Variants in CHIC2 observed in about 807,000 individuals in gnomAD.
CHIC2 encodes the protein cysteine-rich hydrophobic domain-containing protein 2.
A neutral mutation model predicts 25.9 loss-of-function variants in CHIC2; 14 were observed. The ratio of observed to expected loss-of-function variants is 0.54; its 90% confidence interval spans 0.36 to 0.85. CHIC2 has a LOEUF of 0.85. CHIC2 is among the 40% of genes least tolerant of loss of function. The pLI, the probability that CHIC2 is intolerant of heterozygous loss-of-function variation, is 0.01. For synonymous variants in CHIC2, 70 were observed against 72.0 expected (o/e 0.97, Z 0.14); for missense variants, 146 against 202.0 (o/e 0.72, Z 1.68).
At chr4:54,057,250 T>C (rs1002729960) in intron 1 of CHIC2, among the ~76,000 whole-genome samples, 8 of 152,148 alleles carry the variant, frequency 5.3e-5, no homozygotes, top group Non-Finnish European at 8.8e-5. Context: ...CTGGGGCCAC[T>C]ATCATGTCTT....
chr4:54,049,312 TA>T lies in CHIC2; in HGVS notation c.120-8del, dbSNP rs1181354494. On this transcript the variant is annotated splice_polypyrimidine_tract_variant and splice_region_variant and intron_variant, in intron 1 of 5. Transcript: ENST00000263921. ...TTTGTTGCTCAGTCCAAATCTATTT[TA>T]AAAAATAAGAAGAATATGTTATTAC... The T allele has an allele frequency of 1.3e-6, 2 of 1,557,448 alleles. No individual in the cohort carries two copies. The highest frequency in any genetic ancestry group is 1.8e-6 in the Non-Finnish European group (2 of 1,140,412).
chr4:54,030,165 C>T (rs538260026), intron 3 of CHIC2, among the ~76,000 whole-genome samples: 1 of 152,124 alleles, frequency 6.6e-6, no homozygotes, highest in South Asian at 2.1e-4. Flanking sequence ...AACTAAATAG[C>T]AATTATCTTT....
chr4:54,013,157 T>C (rs963976366), intron 5 of CHIC2, among the ~76,000 whole-genome samples: 8 of 152,144 alleles, frequency 5.3e-5, no homozygotes, highest in Non-Finnish European at 2.9e-5. Flanking sequence ...AAATTCTTAA[T>C]TTTCTAGAGT....
upstream of CHIC2, among the ~76,000 whole-genome samples, chr4:54,065,074 A>G (rs999959580): frequency 6.6e-6 from 1 of 152,242 alleles, no homozygotes; most frequent in Non-Finnish European, 1.5e-5. Context: ...TTTTGAGTCT[A>G]TGATGAGAAC....
chr4:54,053,511 C>G (rs564371985), intron 1 of CHIC2, among the ~76,000 whole-genome samples: 1 of 143,942 alleles, frequency 6.9e-6, no homozygotes, highest in Non-Finnish European at 1.5e-5. Context: ...GCCAAGATTG[C>G]GTCACTGCAC....
chr4:54,013,699 G>A, intron 5 of CHIC2, 138 bp downstream of exon 5: 2 of 738,832 alleles, frequency 2.7e-6, no homozygotes, highest in South Asian at 3.7e-5. Context: ...ATGCATCTGT[G>A]AACCGTAGAA....
At chr4:54,083,706 T>C in the CHIC2 span, among the ~76,000 whole-genome samples, 1 of 152,228 alleles carries the variant, frequency 6.6e-6, no homozygotes, top group Non-Finnish European at 1.5e-5. Context: ...ACACTTATCA[T>C]TTCAAGTCTG....
chr4:54,016,685 C>T (rs1053748811), intron 3 of CHIC2, among the ~76,000 whole-genome samples: 1 of 152,006 alleles, frequency 6.6e-6, no homozygotes, highest in African/African-American at 2.4e-5. Flanking sequence ...AAAAAAAGCA[C>T]TTGCACGTGC....
intron 1 of CHIC2, among the ~76,000 whole-genome samples, chr4:54,061,710 T>G (rs935191359): frequency 1.3e-5 from 2 of 152,076 alleles, no homozygotes; most frequent in African/African-American, 4.8e-5. Context: ...TGTGCTAGTG[T>G]GCCTGGGAAT....
At chr4:54,080,172 A>G in the CHIC2 span, among the ~76,000 whole-genome samples, 3 of 131,792 alleles carry the variant, frequency 2.3e-5, no homozygotes, top group Admixed American at 7.3e-5. Flanking sequence ...GTATATATAT[A>G]TGTGTATATA....
intron 3 of CHIC2, among the ~76,000 whole-genome samples, chr4:54,018,438 A>T (rs186728618): frequency 2.1e-3 from 326 of 152,298 alleles, no homozygotes; most frequent in African/African-American, 7.5e-3. Flanking sequence ...CTTCCAGGAC[A>T]GCAAAGAGCC....
At chr4:54,020,796 C>A (rs552432402) in intron 3 of CHIC2, among the ~76,000 whole-genome samples, 1 of 152,194 alleles carries the variant, frequency 6.6e-6, no homozygotes, top group African/African-American at 2.4e-5. Flanking sequence ...GCGCCAGTCA[C>A]AGACTCGGGA....
In CHIC2 at chr4:54,029,598, A is replaced by C. The variant is rs182685683; in HGVS notation, c.331-15479T>G. On this transcript the variant is annotated intron_variant, in intron 3 of 5. Coordinates refer to ENST00000263921, the MANE Select transcript of CHIC2 (RefSeq NM_012110.4). ...TCTCACTTCACTAGAATTTCAATAT[A>C]ATTTCAAATTTGTTCTGCCTTGTTG... Among the ~76,000 whole-genome samples, 257 of 152,328 alleles carry C rather than the reference A, an allele frequency of 1.7e-3. 1 individual carries two copies. Among genetic ancestry groups the C allele is most frequent in the African/African-American group, 5.6e-3 (233 of 41,572 alleles).
intron 3 of CHIC2, among the ~76,000 whole-genome samples, chr4:54,019,389 C>T (rs1021243506): frequency 6.6e-6 from 1 of 151,964 alleles, no homozygotes; most frequent in Non-Finnish European, 1.5e-5. Flanking sequence ...GTATCATGTG[C>T]TATTTGTTAA....
chr4:54,022,757 T>G (rs1012231895), intron 3 of CHIC2, among the ~76,000 whole-genome samples: 16 of 151,916 alleles, frequency 1.1e-4, no homozygotes, highest in Non-Finnish European at 5.9e-5. Context: ...ACCATCCCAT[T>G]AAAACCTAAT....
intron 5 of CHIC2, among the ~76,000 whole-genome samples, chr4:54,012,085 A>G (rs1437023556): frequency 6.6e-6 from 1 of 151,812 alleles, no homozygotes; most frequent in Non-Finnish European, 1.5e-5. Flanking sequence ...CTCTAAGAAA[A>G]TCCAGCAGAA....
chr4:54,080,640 C>T, the CHIC2 span, among the ~76,000 whole-genome samples: 1 of 151,344 alleles, frequency 6.6e-6, no homozygotes, highest in African/African-American at 2.4e-5. Flanking sequence ...GTGGCACACA[C>T]CTGTAGTCTC....
At chr4:54,076,713 TGG>T in the CHIC2 span, 1 of 152,272 alleles carries the variant, frequency 6.6e-6, no homozygotes, top group Non-Finnish European at 1.5e-5. Flanking sequence ...CTTGTAATGC[TGG>T]GGGTTGCAGC....
At chr4:54,058,559 T>TACACACACACACACACACAC (rs36034143) in intron 1 of CHIC2, among the ~76,000 whole-genome samples, 3 of 138,462 alleles carry the variant, frequency 2.2e-5, no homozygotes, top group Non-Finnish European at 3.2e-5. Context: ...TACACACACA[T>TACACACACACACACACACAC]ACACACACAC....
Sources: gnomAD v4.1 joint callset for allele counts (sites outside exome capture counted in the v4.1 genomes callset) on GRCh38, gnomAD v4.1.1 for gene constraint, MANE v1.5 for transcripts, NCBI Gene and HGNC (gene_info 2026-07-23, HGNC 2026-07-21) for gene names.